JMJD1C: variants seen among roughly 807,000 people sequenced by gnomAD.
The protein encoded by JMJD1C is jumonji domain-containing protein 1C.
In JMJD1C, 31 loss-of-function variants were observed where a neutral mutation model predicts 245.3. That is an observed-to-expected ratio of 0.13 (90% CI 0.09 to 0.17). The LOEUF is 0.17. Ranked by LOEUF, JMJD1C falls within the 10% of genes least tolerant of loss-of-function variation. The pLI is 1.00. For synonymous variants in JMJD1C, 1,057 were observed against 1,017.4 expected (o/e 1.04, Z -0.74); for missense variants, 2,691 against 3,000.2 (o/e 0.90, Z 2.41).
At chr10:63,333,733 C>T (rs906380311) in intron 2 of JMJD1C, among the ~76,000 whole-genome samples, 1 of 152,080 alleles carries the variant, frequency 6.6e-6, no homozygotes, top group Non-Finnish European at 1.5e-5. Flanking sequence ...AATTATTCTT[C>T]TGTAAAAAAA....
intron 1 of JMJD1C, among the ~76,000 whole-genome samples, chr10:63,438,008 G>A (rs772842901): frequency 1.3e-5 from 2 of 151,998 alleles, no homozygotes; most frequent in Admixed American, 6.6e-5. Context: ...AACTCATTCA[G>A]TCTGATAGCT....
intron 2 of JMJD1C, among the ~76,000 whole-genome samples, chr10:63,278,541 GCAAA>G (rs895284593): frequency 5.1e-4 from 77 of 150,294 alleles, no homozygotes; most frequent in Admixed American, 1.8e-3. Flanking sequence ...TCAAAAGCAA[GCAAA>G]CAAACAAACA....
At chr10:63,388,153 A>T (rs756326275) in intron 1 of JMJD1C, among the ~76,000 whole-genome samples, 1 of 152,174 alleles carries the variant, frequency 6.6e-6, no homozygotes, top group Non-Finnish European at 1.5e-5. Context: ...CCAAAGGTAT[A>T]TAACTCAAAA....
intron 10 of JMJD1C, among the ~76,000 whole-genome samples, chr10:63,201,090 G>A (rs1279880185): frequency 1.3e-5 from 2 of 152,150 alleles, no homozygotes; most frequent in Non-Finnish European, 2.9e-5. Flanking sequence ...CAGCAAGAAC[G>A]TAAAGATTAA....
intron 1 of JMJD1C, among the ~76,000 whole-genome samples, chr10:63,423,927 C>T (rs1472267407): frequency 6.6e-6 from 1 of 152,114 alleles, no homozygotes; most frequent in African/African-American, 2.4e-5. Flanking sequence ...GTTTAATGGC[C>T]ATTTTCATAT....
At chr10:63,240,904 C>CA (rs1237824493) in intron 3 of JMJD1C, among the ~76,000 whole-genome samples, 3 of 151,978 alleles carry the variant, frequency 2.0e-5, no homozygotes, top group East Asian at 1.9e-4. Context: ...AGAACTGGAA[C>CA]AAAAAAATAC....
At chr10:63,397,629 G>A (rs1245260793) in intron 1 of JMJD1C, among the ~76,000 whole-genome samples, 1 of 151,722 alleles carries the variant, frequency 6.6e-6, no homozygotes, top group Non-Finnish European at 1.5e-5. Context: ...AAATTCCTGG[G>A]CTCAAACAAT....
rs1847624139 is a variant in JMJD1C, at chr10:63,213,604, T to G, written c.2563A>C (p.Asn855His). 6.2e-7 allele frequency: 1 copy of G among 1,614,114 alleles called. No individual in the cohort carries two copies. Among genetic ancestry groups the G allele is most frequent in the Non-Finnish European group, 8.5e-7 (1 of 1,179,972 alleles). The change falls in exon 8 of 26, where the codon AAT becomes CAT. Residue 855 changes from asparagine to histidine, a missense_variant. Physicochemically the swap from Asn to His is moderately conservative, Grantham distance 68. This residue lies in a region of JMJD1C where 1,562 missense variants were observed against 1,490.7 expected (regional missense o/e 1.05). Coordinates refer to ENST00000399262, the MANE Select transcript of JMJD1C (RefSeq NM_032776.3). ...LGQAHPSASY[N>H]QLGLYPIIWQ... ...ATAATTGGATAAAGTCCAAGCTGAT[T>G]ATATGAAGCAGAAGGATGGGCTTGT...
At chr10:63,352,876 C>G (rs748467468) in intron 2 of JMJD1C, among the ~76,000 whole-genome samples, 1 of 152,040 alleles carries the variant, frequency 6.6e-6, no homozygotes. Flanking sequence ...ACGGGGCCAA[C>G]TTCAGGACTT....
At chr10:63,450,566 G>A (rs945003752) in intron 1 of JMJD1C, among the ~76,000 whole-genome samples, 7 of 151,762 alleles carry the variant, frequency 4.6e-5, no homozygotes, top group African/African-American at 1.7e-4. Context: ...CATAATGAAG[G>A]GAAAAAAAAT....
intron 1 of JMJD1C, among the ~76,000 whole-genome samples, chr10:63,426,599 A>G (rs1950454332): frequency 6.6e-6 from 1 of 152,092 alleles, no homozygotes; most frequent in African/African-American, 2.4e-5. Context: ...TGAACCCAGG[A>G]GGCGGAAGTT....
intron 3 of JMJD1C, among the ~76,000 whole-genome samples, chr10:63,246,724 G>C (rs1852249311): frequency 6.6e-6 from 1 of 151,938 alleles, no homozygotes; most frequent in Non-Finnish European, 1.5e-5. Flanking sequence ...ATTCAAAAAA[G>C]CGAAAATCAT....
intron 15 of JMJD1C, 94 bp from the exon 16 acceptor site, chr10:63,193,245 C>T: frequency 6.8e-7 from 1 of 1,462,950 alleles, no homozygotes; most frequent in Non-Finnish European, 9.4e-7. Flanking sequence ...ACACAGCAAA[C>T]CTAATTCATA....
intron 13 of JMJD1C, among the ~76,000 whole-genome samples, chr10:63,195,979 A>C (rs1351968824): frequency 1.3e-5 from 2 of 150,798 alleles, no homozygotes; most frequent in East Asian, 2.0e-4. Flanking sequence ...TTCAAAATTA[A>C]TACTACTATG....
At chr10:63,434,784 G>T (rs1271683789) in intron 1 of JMJD1C, among the ~76,000 whole-genome samples, 2 of 152,298 alleles carry the variant, frequency 1.3e-5, no homozygotes, top group East Asian at 3.9e-4. Flanking sequence ...AAAGGTGGAT[G>T]AAACAAACTG....
chr10:63,190,699 C>A (rs1272618172), intron 17 of JMJD1C, among the ~76,000 whole-genome samples, 195 bp downstream of exon 17: 1 of 152,178 alleles, frequency 6.6e-6, no homozygotes, highest in Non-Finnish European at 1.5e-5. Flanking sequence ...CCCCCCTCCA[C>A]CTTTCACCTT....
At chr10:63,435,093 T>A (rs375269039) in intron 1 of JMJD1C, among the ~76,000 whole-genome samples, 1 of 152,248 alleles carries the variant, frequency 6.6e-6, no homozygotes, top group East Asian at 1.9e-4. Flanking sequence ...GCATTTGGAA[T>A]AAATCATTTC....
At chr10:63,455,981 C>A (rs1952385036) in intron 1 of JMJD1C, among the ~76,000 whole-genome samples, 1 of 151,818 alleles carries the variant, frequency 6.6e-6, no homozygotes. Flanking sequence ...TGCTTTTTTC[C>A]TTGTTATACT....
chr10:63,384,765 A>G (rs1589638157), intron 1 of JMJD1C, among the ~76,000 whole-genome samples: 1 of 152,218 alleles, frequency 6.6e-6, no homozygotes, highest in East Asian at 1.9e-4. Context: ...AGTCCCTAAC[A>G]AGAGAGTTGG....
Sources: gnomAD v4.1 joint callset for allele counts (sites outside exome capture counted in the v4.1 genomes callset) on GRCh38, gnomAD v4.1.1 for gene constraint, gnomAD v4.1.1 regional missense constraint, MANE v1.5 for transcripts, NCBI Gene and HGNC (gene_info 2026-07-23, HGNC 2026-07-21) for gene names.